The following SORBS3 variants were observed in gnomAD, a reference collection of about 807,000 sequenced individuals.
SORBS3 encodes the protein vinexin.
Under a neutral mutation model 98.0 loss-of-function variants are expected in SORBS3, and 69 were observed. That is an observed-to-expected ratio of 0.70 (90% CI 0.58 to 0.86). SORBS3 has a LOEUF of 0.86. SORBS3 is among the 40% of genes least tolerant of loss of function. The probability of loss-of-function intolerance (pLI) is 0.00; values close to 1 mark genes in which losing one functional copy is unlikely to be tolerated. For missense variants in SORBS3, 954 were observed against 908.5 expected (o/e 1.05, Z -0.64); for synonymous variants, 394 against 355.4 (o/e 1.11, Z -1.22).
chr8:22,565,450 C>A, intron 11 of SORBS3, 96 bp downstream of exon 11: 1 of 985,712 alleles, frequency 1.0e-6, no homozygotes, highest in Non-Finnish European at 1.4e-6. Flanking sequence ...GGAGGACGGG[C>A]AGCCGAGGTC....
chr8:22,566,705 G>C lies in SORBS3; in HGVS notation c.1135G>C (p.Glu379Gln). Residue 379 changes from glutamate (E) to glutamine (Q), a missense_variant, in exon 14 of 21, where the codon GAG (glutamate) becomes CAG (glutamine). Physicochemically the swap from Glu to Gln is conservative, Grantham distance 29 (BLOSUM62 2). Transcript: ENST00000240123. The part of the protein sequence containing the change: ...NGGGSPARRE[E>Q]KKRKAARLKF... ...AGGGGGCAGCCCAGCCAGGAGGGAA[G>C]AGAAGAAGGTAAGGAGGGGACCAGG... is the stretch of plus-strand genomic sequence containing the variant. 6.2e-7 allele frequency: 1 copy of C among 1,612,536 alleles called. No individual in the cohort carries two copies. The highest frequency in any genetic ancestry group is 8.5e-7 in the Non-Finnish European group (1 of 1,179,554).
Position 22,565,340 on chromosome 8 carries a change from C to T in SORBS3, c.889C>T (p.Leu297=). 6.4e-7 allele frequency: 1 copy of T among 1,554,624 alleles called. No individual in the cohort carries two copies. Among genetic ancestry groups the T allele is most frequent in the Non-Finnish European group, 8.7e-7 (1 of 1,149,654 alleles). Residue 297 remains leucine (L), a synonymous_variant, in exon 11 of 21, where the codon CTG becomes TTG. Transcript: ENST00000240123. ...GGACCTGCGGGCAATTGAGACCCGA[C>T]TGCCGTCCCCCAAGGTACCAGCCCC... ...DKDLRAIETR[L]PSPKSSPAPR... is the part of the protein sequence containing the mutation.
chr8:22,561,282 C>A, intron 5 of SORBS3, 53 bp from the exon 6 acceptor site: 1 of 1,530,972 alleles, frequency 6.5e-7, no homozygotes, highest in South Asian at 1.2e-5. Context: ...CCCAGGGCAC[C>A]CTGCCCTTGC....
intron 11 of SORBS3, 200 bp from the exon 12 acceptor site, chr8:22,565,626 C>G: frequency 9.5e-7 from 1 of 1,049,856 alleles, no homozygotes; most frequent in Non-Finnish European, 1.2e-6. Flanking sequence ...GTCCGGCCCC[C>G]GGGCCCCAGC....
intron 18 of SORBS3, 44 bp downstream of exon 18, chr8:22,571,265 C>T (rs777171304): frequency 9.6e-6 from 11 of 1,143,176 alleles, no homozygotes; most frequent in Non-Finnish European, 2.5e-6. Flanking sequence ...TCCTCCTCAC[C>T]CCTCATCCCC....
chr8:22,563,850 T>C, intron 7 of SORBS3, 137 bp from the exon 8 acceptor site: 1 of 670,902 alleles, frequency 1.5e-6, no homozygotes, highest in South Asian at 1.7e-5. Flanking sequence ...TAATCTTGCT[T>C]CCAGAGTAAC....
chr8:22,565,361 GC>G lies in SORBS3; in HGVS notation c.903+12del, dbSNP rs746611575. 368 of 1,545,500 alleles carry G rather than the reference GC, an allele frequency of 2.4e-4. No homozygotes were observed. Among genetic ancestry groups the G allele is most frequent in the Non-Finnish European group, 3.1e-4 (350 of 1,144,828 alleles). On this transcript the variant is annotated splice_region_variant and intron_variant, in intron 11 of 20. Transcript: ENST00000240123. Reference sequence around the variant, plus strand: ...CCGACTGCCGTCCCCCAAGGTACCAGCCCCCAGGGTTCACCCGCGGGGCACG... The same window carrying G: ...CCGACTGCCGTCCCCCAAGGTACCAGCCCCAGGGTTCACCCGCGGGGCACG...
At chr8:22,547,863 A>G (rs191967475), upstream of SORBS3, among the ~76,000 whole-genome samples, 71 of 152,360 alleles carry the variant, frequency 4.7e-4, 1 homozygote, top group Admixed American at 4.4e-3. Flanking sequence ...ATGTGATGTC[A>G]GTATCAAAAC....
At chr8:22,558,931 A>G (rs181241758) in intron 5 of SORBS3, among the ~76,000 whole-genome samples, 1 of 152,364 alleles carries the variant, frequency 6.6e-6, no homozygotes, top group African/African-American at 2.4e-5. Flanking sequence ...TGGACGGGCA[A>G]GGAGAGCCTG....
At position 22,554,572 on chromosome 8, in the gene SORBS3, C is replaced by T. The variant is rs1295798021; in HGVS notation, c.66C>T (p.Leu22=). 2 of 1,612,980 alleles carry T rather than the reference C, an allele frequency of 1.2e-6. No homozygotes were observed. Among genetic ancestry groups the T allele is most frequent in the Non-Finnish European group, 1.7e-6 (2 of 1,179,982 alleles). ...LSLDDFIPGH[L]QSHIGSSSRG... ...TGGACGACTTCATCCCTGGCCACCT[C>T]CAGTCCCACATAGGGTCTTCCTCCC... Residue 22 remains leucine (L), a synonymous_variant, in exon 2 of 21, where the codon CTC becomes CTT. Transcript: ENST00000240123. This position sits in a 1 kb window ranked among gnomAD's most constrained non-coding sequence, Gnocchi z 6.5.
chr8:22,556,942 G>A, intron 4 of SORBS3, 34 bp downstream of exon 4: 1 of 1,606,850 alleles, frequency 6.2e-7, no homozygotes, highest in Non-Finnish European at 8.5e-7. Context: ...GGAGAGATGG[G>A]GCCCAGGGAT....
chr8:22,558,343 G>A (rs1840227561), intron 5 of SORBS3, 151 bp downstream of exon 5: 2 of 728,946 alleles, frequency 2.7e-6, no homozygotes. Context: ...AAAATAGGCA[G>A]TCCCCTCCCT....
rs1217578710 is a variant in SORBS3 at position 22,566,688 on chromosome 8, G to T, written c.1118G>T (p.Ser373Ile). Residue 373 changes from serine to isoleucine, a missense_variant, in exon 14 of 21, where the codon AGC (serine) becomes ATC (isoleucine). Coordinates refer to ENST00000240123, the MANE Select transcript of SORBS3 (RefSeq NM_005775.5). Reference protein sequence around the residue: ...RDPSASNGGGSPARREEKKRK... With the variant: ...RDPSASNGGGIPARREEKKRK... ...CCTAGTGCCTCTAACGGAGGGGGCA[G>T]CCCAGCCAGGAGGGAAGAGAAGAAG... is the stretch of plus-strand genomic sequence containing the variant. 7 of 1,611,348 alleles carry T rather than the reference G, an allele frequency of 4.3e-6. No individual in the cohort carries two copies. In the South Asian group the frequency reaches 6.6e-5, roughly 15 times the overall value.
chr8:22,548,922 C>G (rs1450643005), upstream of SORBS3, among the ~76,000 whole-genome samples: 2 of 152,222 alleles, frequency 1.3e-5, no homozygotes, highest in East Asian at 3.8e-4. Flanking sequence ...CCGCCTTCTC[C>G]CCCTCCCTGT....
chr8:22,550,117 AGGCTACCTGGCGT>A (rs1840059443), upstream of SORBS3: 1 of 656,132 alleles, frequency 1.5e-6, no homozygotes, highest in Admixed American at 6.3e-5. Flanking sequence ...GGGAGGGAAG[AGGCTACCTGGCGT>A]GGATAAGAAG....
chr8:22,560,070 AAAG>A (rs1355779137), intron 5 of SORBS3, among the ~76,000 whole-genome samples: 1 of 151,984 alleles, frequency 6.6e-6, no homozygotes, highest in Non-Finnish European at 1.5e-5. Flanking sequence ...AAAAAAAAAA[AAAG>A]AAGAGAGAGA....
At chr8:22,553,510 C>T (rs1840125851) in intron 1 of SORBS3, among the ~76,000 whole-genome samples, 1 of 152,126 alleles carries the variant, frequency 6.6e-6, no homozygotes, top group South Asian at 2.1e-4. Context: ...CTCTTGCACC[C>T]CCACTCTGGG....
intron 16 of SORBS3, among the ~76,000 whole-genome samples, chr8:22,568,742 C>T (rs1840489262): frequency 6.6e-6 from 1 of 152,194 alleles, no homozygotes; most frequent in Non-Finnish European, 1.5e-5. Flanking sequence ...AACCCAGGGA[C>T]ACCCGGTTCT....
In SORBS3 at chr8:22,575,045, T is replaced by G; in HGVS notation, c.*317T>G. On this transcript the variant is annotated 3_prime_UTR_variant, in exon 21 of 21. Coordinates refer to ENST00000240123, the MANE Select transcript of SORBS3 (RefSeq NM_005775.5). The stretch of plus-strand genomic sequence containing the variant: ...GACCCCAAGTCCCCCACCCCCATCC[T>G]GCTCCAGCGTTTCCTCTAACAGGGA... 2 of 515,364 alleles carry G rather than the reference T, an allele frequency of 3.9e-6. No homozygotes were observed. Among genetic ancestry groups the G allele is most frequent in the Non-Finnish European group, 7.4e-6 (2 of 268,960 alleles). The allele number at this position is 515,364 out of a possible 1,614,324, so 31.9% of individuals were successfully genotyped here. A position where few individuals can be genotyped will look rare whatever the true frequency, so the allele number is the denominator to read the frequency against.
Sources: gnomAD v4.1 joint callset for allele counts (sites outside exome capture counted in the v4.1 genomes callset) on GRCh38, gnomAD v4.1.1 for gene constraint, Gnocchi (gnomAD v3.1) non-coding constraint, MANE v1.5 for transcripts, NCBI Gene and HGNC (gene_info 2026-07-23, HGNC 2026-07-21) for gene names.